The following SOX6 variants were observed in gnomAD, a reference collection of about 807,000 sequenced individuals.
SOX6 encodes transcription factor SOX-6.
A neutral mutation model predicts 97.8 loss-of-function variants in SOX6; 11 were observed. That is an observed-to-expected ratio of 0.11 (90% CI 0.07 to 0.19). The LOEUF (loss-of-function observed/expected upper bound fraction) is 0.19. Among genes scored for constraint, SOX6 ranks in the 10% least tolerant of loss-of-function variants. The pLI is 1.00. For missense variants in SOX6, 810 were observed against 1,039.5 expected, an observed-to-expected ratio of 0.78 and a Z score of 3.04; for synonymous variants, 360 against 371.4, an observed-to-expected ratio of 0.97 and a Z score of 0.35.
chr11:16,652,687 C>CT (rs1346098473), intron 3 of SOX6, among the ~76,000 whole-genome samples: 4 of 152,082 alleles, frequency 2.6e-5, no homozygotes, highest in Non-Finnish European at 5.9e-5. Flanking sequence ...TAAAACTCTT[C>CT]TAGACATTGA....
At chr11:16,643,346 G>C (rs536428290) in intron 3 of SOX6, among the ~76,000 whole-genome samples, 2 of 152,216 alleles carry the variant, frequency 1.3e-5, no homozygotes, top group Non-Finnish European at 2.9e-5. Context: ...CTCCCAGTTA[G>C]GCTACTCAGG....
chr11:16,507,903 G>C (rs1434419005), intron 4 of SOX6, among the ~76,000 whole-genome samples: 1 of 152,064 alleles, frequency 6.6e-6, no homozygotes, highest in Non-Finnish European at 1.5e-5. Flanking sequence ...ACACCAAAAA[G>C]CTTCTGCACA....
chr11:16,603,196 A>T (rs1407747160), intron 4 of SOX6, among the ~76,000 whole-genome samples: 2 of 152,112 alleles, frequency 1.3e-5, no homozygotes, highest in African/African-American at 4.8e-5. Context: ...GCAAGTGCCT[A>T]ATGTTGAGTG....
At chr11:16,712,141 T>G (rs1848186320) in intron 3 of SOX6, among the ~76,000 whole-genome samples, 1 of 148,644 alleles carries the variant, frequency 6.7e-6, no homozygotes, top group African/African-American at 2.5e-5. Flanking sequence ...CTTTAACCAC[T>G]CATTGAGTGA....
chr11:16,257,055 TAAGG>T (rs1853713749), intron 3 of SOX6, among the ~76,000 whole-genome samples: 1 of 151,818 alleles, frequency 6.6e-6, no homozygotes, highest in Non-Finnish European at 1.5e-5. Flanking sequence ...TAAAAGATAT[TAAGG>T]AAGAACTAAA....
intron 1 of SOX6, among the ~76,000 whole-genome samples, chr11:16,410,792 T>TATGAACA (rs1305706019): frequency 8.7e-5 from 12 of 138,178 alleles, no homozygotes; most frequent in African/African-American, 3.3e-4. Flanking sequence ...TATGAACAAG[T>TATGAACA]ATGAACAAGG....
At chr11:16,690,161 G>C (rs2134035301) in intron 3 of SOX6, among the ~76,000 whole-genome samples, 1 of 152,298 alleles carries the variant, frequency 6.6e-6, no homozygotes, top group East Asian at 1.9e-4. Context: ...CTGGCCTCAA[G>C]TGATCTGCCC....
intron 9 of SOX6, among the ~76,000 whole-genome samples, chr11:16,093,613 A>G (rs1848736426): frequency 6.6e-6 from 1 of 151,882 alleles, no homozygotes; most frequent in Non-Finnish European, 1.5e-5. Flanking sequence ...GTGGGGGAGT[A>G]TATGTGTTAT....
chr11:16,494,871 G>A (rs1860569771), intron 4 of SOX6, among the ~76,000 whole-genome samples: 1 of 152,166 alleles, frequency 6.6e-6, no homozygotes, highest in Non-Finnish European at 1.5e-5. Context: ...ACAGGAAGCT[G>A]CCAGGAGACC....
At chr11:16,560,422 C>CAT (rs144661465) in intron 4 of SOX6, among the ~76,000 whole-genome samples, 4,199 of 113,192 alleles carry the variant, frequency 0.037, 135 homozygotes, top group African/African-American at 0.048. Flanking sequence ...TATATACGTA[C>CAT]ATATGTTTAT....
chr11:16,711,651 C>T (rs1848181747), intron 3 of SOX6, among the ~76,000 whole-genome samples: 1 of 152,172 alleles, frequency 6.6e-6, no homozygotes, highest in South Asian at 2.1e-4. Context: ...ATGCCAGTCT[C>T]CCCTGTTTTC....
intron 3 of SOX6, among the ~76,000 whole-genome samples, chr11:16,622,877 C>T (rs1848565184): frequency 6.6e-6 from 1 of 152,148 alleles, no homozygotes; most frequent in Non-Finnish European, 1.5e-5. Context: ...AGTTTACCAG[C>T]AGTGTAAAAA....
chr11:16,342,196 T>C (rs1428205716), intron 1 of SOX6, among the ~76,000 whole-genome samples: 1 of 152,006 alleles, frequency 6.6e-6, no homozygotes, highest in East Asian at 1.9e-4. Context: ...GATTATTAAA[T>C]AGAATTTCAA....
intron 1 of SOX6, among the ~76,000 whole-genome samples, chr11:16,442,024 C>A (rs1590205132): frequency 6.6e-6 from 1 of 152,330 alleles, no homozygotes; most frequent in Middle Eastern, 3.4e-3. Flanking sequence ...CAGGTCACTG[C>A]ATTATCAGCC....
At chr11:16,209,619 G>T (rs944403040) in intron 4 of SOX6, among the ~76,000 whole-genome samples, 126 of 152,246 alleles carry the variant, frequency 8.3e-4, no homozygotes, top group African/African-American at 3.0e-3. Flanking sequence ...GCTGGGCGTG[G>T]TGGTGAGTGC....
chr11:16,123,509 A>G (rs1210012536), intron 6 of SOX6, among the ~76,000 whole-genome samples: 2 of 152,076 alleles, frequency 1.3e-5, no homozygotes, highest in Admixed American at 6.6e-5. Flanking sequence ...AAAACTAGAT[A>G]CCAAGGAAAG....
At chr11:16,191,126 T>G (rs1851618421) in intron 4 of SOX6, among the ~76,000 whole-genome samples, 1 of 152,138 alleles carries the variant, frequency 6.6e-6, no homozygotes, top group Admixed American at 6.6e-5. Flanking sequence ...TGGCAAAAGA[T>G]CTTCGAATGC....
rs547901617 is a variant in SOX6, at chr11:16,018,726, TA to T, written c.1624-3677del. Among the ~76,000 whole-genome samples, 268 of 152,256 alleles carry T rather than the reference TA, an allele frequency of 1.8e-3. 1 individual carries two copies. Among genetic ancestry groups the T allele is most frequent in the African/African-American group, 5.4e-3 (223 of 41,564 alleles). On this transcript the variant is annotated intron_variant, in intron 12 of 15. Coordinates refer to ENST00000683767, the MANE Select transcript of SOX6 (RefSeq NM_001367873.1). The stretch of plus-strand genomic sequence containing the variant: ...TCCCACGTAACAATGCTTTTTGTTG[TA>T]AAAAATATTCTGTTTATTAATGTAA...
At chr11:16,292,655 C>A (rs550774379) in intron 3 of SOX6, among the ~76,000 whole-genome samples, 1 of 152,236 alleles carries the variant, frequency 6.6e-6, no homozygotes, top group East Asian at 1.9e-4. Context: ...TCCAAGCCTG[C>A]GGTGCTGGGA....
Sources: gnomAD v4.1 joint callset for allele counts (sites outside exome capture counted in the v4.1 genomes callset) on GRCh38, gnomAD v4.1.1 for gene constraint, MANE v1.5 for transcripts, NCBI Gene and HGNC (gene_info 2026-07-23, HGNC 2026-07-21) for gene names.